PDE4B: variants seen among roughly 807,000 people sequenced by gnomAD.
PDE4B encodes 3',5'-cyclic-AMP phosphodiesterase 4B.
In PDE4B, 20 loss-of-function variants were observed where a neutral mutation model predicts 82.2. The observed-to-expected ratio is 0.24, with a 90% CI of 0.17 to 0.35. The LOEUF (loss-of-function observed/expected upper bound fraction) is 0.35. PDE4B is among the 10% of genes least tolerant of loss of function. PDE4B has a pLI of 1.00. For synonymous variants in PDE4B, 320 were observed against 318.9 expected, an observed-to-expected ratio of 1.00 and a Z score of -0.04; for missense variants, 655 against 907.2, an observed-to-expected ratio of 0.72 and a Z score of 3.57.
intron 3 of PDE4B, among the ~76,000 whole-genome samples, chr1:65,954,307 A>G (rs1423878947): frequency 6.6e-6 from 1 of 152,106 alleles, no homozygotes; most frequent in Non-Finnish European, 1.5e-5. Context: ...TTGCCAAACT[A>G]GGCCACCATA....
intron 3 of PDE4B, among the ~76,000 whole-genome samples, chr1:65,979,155 T>G (rs1650560232): frequency 6.6e-6 from 1 of 152,210 alleles, no homozygotes; most frequent in African/African-American, 2.4e-5. Context: ...AAAGAAGTGA[T>G]TCACAGATTC....
intron 1 of PDE4B, among the ~76,000 whole-genome samples, chr1:65,898,267 T>A (rs1337533556): frequency 1.3e-5 from 2 of 151,732 alleles, no homozygotes; most frequent in Non-Finnish European, 2.9e-5. Context: ...TTTTCTTCCA[T>A]TTTGTGGGGT....
rs572278733 is a variant in PDE4B, at chr1:66,370,944, G to C, written c.1846-1369G>C. 9.2e-5 allele frequency among the ~76,000 whole-genome samples: 14 copies of C among 151,428 alleles called. No homozygotes were observed. The South Asian group carries it at 1.3e-3, about 14-fold the overall frequency. On this transcript the variant is annotated intron_variant, in intron 16 of 16. Coordinates refer to ENST00000341517, the MANE Select transcript of PDE4B (RefSeq NM_002600.4). ...CGGTTGAGTTTTTGTAACCAGTATA[G>C]ATCAGAGATTCCCTGACTTTGCTGT...
At chr1:66,073,903 A>T (rs767807396) in intron 3 of PDE4B, among the ~76,000 whole-genome samples, 2 of 152,174 alleles carry the variant, frequency 1.3e-5, no homozygotes, top group African/African-American at 4.8e-5. Flanking sequence ...GTTCAAAGAC[A>T]TAGAGATAAT....
chr1:66,026,889 T>C (rs756527312), intron 3 of PDE4B, among the ~76,000 whole-genome samples: 1 of 152,198 alleles, frequency 6.6e-6, no homozygotes, highest in Non-Finnish European at 1.5e-5. Flanking sequence ...CACCTTGCAA[T>C]GTTGTAACAT....
intron 3 of PDE4B, among the ~76,000 whole-genome samples, chr1:66,178,014 A>G (rs1379310987): frequency 1.3e-5 from 2 of 151,718 alleles, no homozygotes; most frequent in African/African-American, 4.9e-5. Context: ...GTAGCCTCAC[A>G]ATGCCTACTA....
Position 66,372,892 on chromosome 1 carries a change from G to A in PDE4B, c.*214G>A. The A allele has an allele frequency of 5.5e-6, 3 of 540,826 alleles. No homozygotes were observed. Among genetic ancestry groups the A allele is most frequent in the Non-Finnish European group, 9.9e-6 (3 of 303,302 alleles). The allele number at this position is 540,826 out of a possible 1,614,324, so 33.5% of individuals were successfully genotyped here. On this transcript the variant is annotated 3_prime_UTR_variant, in exon 17 of 17. Transcript: ENST00000341517. Reference sequence around the variant, plus strand: ...TTGCCTTGATGGCAAGCTTGGTGGAGAGGGCTGAAGCTGTTGCTGGGGGCC... The same window carrying A: ...TTGCCTTGATGGCAAGCTTGGTGGAAAGGGCTGAAGCTGTTGCTGGGGGCC...
At chr1:65,992,617 G>T in intron 3 of PDE4B, 1 of 492,322 alleles carries the variant, frequency 2.0e-6, no homozygotes. Context: ...GTGAGTGTCA[G>T]TGTGTAGCTT....
At position 66,190,937 on chromosome 1, in the gene PDE4B, G is replaced by C. The variant is rs561516865; in HGVS notation, c.282-56523G>C. Among the ~76,000 whole-genome samples, 9 of 152,174 alleles carry C rather than the reference G, an allele frequency of 5.9e-5. No homozygotes were observed. In the South Asian group the frequency reaches 1.9e-3, roughly 32 times the overall value. On this transcript the variant is annotated intron_variant, in intron 3 of 16. Coordinates refer to ENST00000341517, the MANE Select transcript of PDE4B (RefSeq NM_002600.4). ...CCCGTCTTCTGCGTCACTCACGCTG[G>C]GAGCTGTAGACTGGAGCTGTTCCTA...
chr1:66,029,523 G>C (rs914952957), intron 3 of PDE4B, among the ~76,000 whole-genome samples: 1 of 152,092 alleles, frequency 6.6e-6, no homozygotes, highest in African/African-American at 2.4e-5. Flanking sequence ...TTTTCAATTT[G>C]TCATTATTGA....
chr1:65,803,628 T>C (rs11208756), intron 1 of PDE4B, among the ~76,000 whole-genome samples: 27,357 of 152,058 alleles, frequency 0.18, 3,993 homozygotes, highest in African/African-American at 0.4. Context: ...ATATAAAAAG[T>C]CCTTTGGGTC....
At chr1:66,018,756 C>T (rs762245213) in intron 3 of PDE4B, among the ~76,000 whole-genome samples, 3 of 152,030 alleles carry the variant, frequency 2.0e-5, no homozygotes, top group African/African-American at 7.2e-5. Flanking sequence ...AAGTTAGTGG[C>T]GTATGCCTTT....
chr1:66,052,061 C>A (rs1274172824), intron 3 of PDE4B, among the ~76,000 whole-genome samples: 2 of 152,108 alleles, frequency 1.3e-5, no homozygotes, highest in African/African-American at 4.8e-5. Context: ...CTGCTTCTTC[C>A]TCATCCCTTT....
intron 16 of PDE4B, among the ~76,000 whole-genome samples, chr1:66,372,110 A>G (rs2050804214): frequency 6.6e-6 from 1 of 152,172 alleles, no homozygotes; most frequent in South Asian, 2.1e-4. Context: ...AAACAGCAAT[A>G]CTTACCTTCC....
chr1:66,278,362 A>G (rs1034976844), intron 7 of PDE4B, among the ~76,000 whole-genome samples: 3 of 152,222 alleles, frequency 2.0e-5, no homozygotes, highest in South Asian at 2.1e-4. Context: ...ACATCCGTGG[A>G]ACAAAAATTT....
intron 3 of PDE4B, among the ~76,000 whole-genome samples, chr1:66,190,224 T>G (rs1647643237): frequency 6.6e-6 from 1 of 152,196 alleles, no homozygotes; most frequent in Non-Finnish European, 1.5e-5. Context: ...CCTGGCCGTG[T>G]GAGATGTCAG....
chr1:66,355,335 A>G (rs1237856953), intron 8 of PDE4B, 192 bp from the exon 9 acceptor site: 2 of 430,482 alleles, frequency 4.6e-6, no homozygotes, highest in Admixed American at 4.1e-5. Context: ...AAATCTTAAG[A>G]AAACCTCTTT....
intron 1 of PDE4B, among the ~76,000 whole-genome samples, chr1:65,883,598 G>A (rs1334156069): frequency 6.6e-6 from 1 of 152,178 alleles, no homozygotes; most frequent in Non-Finnish European, 1.5e-5. Flanking sequence ...CATGTCATCT[G>A]CAAACAGGGA....
intron 3 of PDE4B, among the ~76,000 whole-genome samples, chr1:66,011,847 G>A (rs1022498619): frequency 4.6e-5 from 7 of 152,050 alleles, no homozygotes; most frequent in African/African-American, 1.7e-4. Context: ...TTTCTAAAAT[G>A]TGAACAGATG....
Sources: allele counts gnomAD v4.1 joint callset (sites outside exome capture counted in the v4.1 genomes callset), GRCh38; gene constraint gnomAD v4.1.1; transcripts MANE v1.5; gene names NCBI Gene and HGNC (gene_info 2026-07-23, HGNC 2026-07-21).